FAIM: variants seen among roughly 807,000 people sequenced by gnomAD.
The protein encoded by FAIM is fas apoptotic inhibitory molecule 1.
A neutral mutation model predicts 21.2 loss-of-function variants in FAIM; 14 were observed. The ratio of observed to expected loss-of-function variants is 0.66; its 90% CI spans 0.44 to 1.03. The LOEUF (loss-of-function observed/expected upper bound fraction) is 1.03. FAIM is among the 50% of genes least tolerant of loss of function. FAIM has a pLI of 0.00. For missense variants in FAIM, 222 were observed against 247.1 expected, an observed-to-expected ratio of 0.90 and a Z score of 0.68; for synonymous variants, 86 against 80.4, an observed-to-expected ratio of 1.07 and a Z score of -0.37.
At position 138,621,407 on chromosome 3, in the gene FAIM, C is replaced by G. The variant is rs2042883217; in HGVS notation, c.45C>G (p.Ser15Arg). 6.2e-7 allele frequency: 1 copy of G among 1,613,480 alleles called. No homozygotes were observed. The highest frequency in any genetic ancestry group is 8.5e-7 in the Non-Finnish European group (1 of 1,179,780). The change falls in exon 3 of 6, where the codon AGC becomes AGG. Residue 15 changes from serine to arginine, a missense_variant and splice_region_variant. By Grantham distance (110) the Ser-to-Arg change is moderately radical (BLOSUM62 -1). Transcript: ENST00000360570. ...TAATTGCTTTATTTTATTCCTTTAG[C>G]CCTCCTTACAGCCTAGAAAAAATGA... ...DDSPIFEDDE[S>R]PPYSLEKMTD...
At chr3:138,617,517 C>G (rs1171913584) in intron 1 of FAIM, among the ~76,000 whole-genome samples, 5 of 146,306 alleles carry the variant, frequency 3.4e-5, no homozygotes, top group Non-Finnish European at 7.5e-5. Context: ...ATATGTATAT[C>G]TATATATATC....
At chr3:138,614,958 A>G (rs1021389795) in intron 1 of FAIM, among the ~76,000 whole-genome samples, 3 of 152,170 alleles carry the variant, frequency 2.0e-5, no homozygotes, top group South Asian at 2.1e-4. Flanking sequence ...AAACAAAAAC[A>G]TGTACAGATG....
intron 3 of FAIM, among the ~76,000 whole-genome samples, 183 bp from the exon 4 acceptor site, chr3:138,622,005 C>A (rs889586925): frequency 6.6e-6 from 1 of 152,064 alleles, no homozygotes; most frequent in African/African-American, 2.4e-5. Flanking sequence ...TGGTCTCAAA[C>A]TCCTGACCTC....
chr3:138,611,070 T>C, intron 1 of FAIM: 1 of 1,496,594 alleles, frequency 6.7e-7, no homozygotes, highest in Non-Finnish European at 9.3e-7. Flanking sequence ...GGTACATAAG[T>C]ACCCAATAAC....
At chr3:138,622,017 T>C (rs2042892577) in intron 3 of FAIM, among the ~76,000 whole-genome samples, 171 bp from the exon 4 acceptor site, 1 of 151,996 alleles carries the variant, frequency 6.6e-6, no homozygotes, top group Non-Finnish European at 1.5e-5. Flanking sequence ...CCTGACCTCA[T>C]GATCCGCCCG....
chr3:138,616,103 G>A (rs2042823190), intron 1 of FAIM, among the ~76,000 whole-genome samples: 1 of 152,168 alleles, frequency 6.6e-6, no homozygotes, highest in Non-Finnish European at 1.5e-5. Context: ...ATGGCACTTG[G>A]AGGGATATGT....
intron 1 of FAIM, among the ~76,000 whole-genome samples, chr3:138,617,915 T>C (rs1166570637): frequency 6.8e-6 from 1 of 146,916 alleles, no homozygotes; most frequent in African/African-American, 2.5e-5. Flanking sequence ...TATACTATAT[T>C]ATATATAGTA....
At chr3:138,617,815 T>A (rs2042843532) in intron 1 of FAIM, among the ~76,000 whole-genome samples, 1 of 146,508 alleles carries the variant, frequency 6.8e-6, no homozygotes, top group African/African-American at 2.5e-5. Context: ...TGGACATAGA[T>A]ACTATTTATA....
At position 138,629,129 on chromosome 3, in the gene FAIM, G is replaced by A; in HGVS notation, c.429G>A (p.Trp143Ter). Residue 143 changes from tryptophan to a stop codon, truncating the protein, a stop_gained, in exon 5 of 6, where the codon TGG becomes TGA. Transcript: ENST00000360570. LOFTEE classifies it high-confidence loss of function. Reference sequence around the variant, plus strand: ...CAGAAAAAGATGCTATGGACGTATGGTGCAATGGTAAAAAATTGGAGACAG... The same window carrying A: ...CAGAAAAAGATGCTATGGACGTATGATGCAATGGTAAAAAATTGGAGACAG... Reference protein sequence around the residue: ...IVLEKDAMDVWCNGKKLETAG... With the variant: ...IVLEKDAMDV 1.9e-6 allele frequency: 3 copies of A among 1,611,652 alleles called. No homozygotes were observed. Among genetic ancestry groups the A allele is most frequent in the Non-Finnish European group, 1.7e-6 (2 of 1,179,146 alleles).
intron 4 of FAIM, among the ~76,000 whole-genome samples, chr3:138,624,083 C>A (rs113662759): frequency 5.7e-4 from 86 of 152,206 alleles, no homozygotes; most frequent in African/African-American, 2.0e-3. Flanking sequence ...CCTTATATTT[C>A]CAAATTTCAT....
intron 5 of FAIM, among the ~76,000 whole-genome samples, chr3:138,631,692 C>T (rs564070368): frequency 1.3e-5 from 2 of 152,246 alleles, no homozygotes; most frequent in South Asian, 4.1e-4. Flanking sequence ...CTCAAAGCAT[C>T]GTGCCAAAAT....
chr3:138,619,081 A>G (rs1162063964), intron 1 of FAIM, among the ~76,000 whole-genome samples: 1 of 152,200 alleles, frequency 6.6e-6, no homozygotes, highest in East Asian at 1.9e-4. Flanking sequence ...GCACTAGTAA[A>G]TTAAATGGGC....
At chr3:138,614,852 G>A (rs2042809764) in intron 1 of FAIM, among the ~76,000 whole-genome samples, 1 of 151,970 alleles carries the variant, frequency 6.6e-6, no homozygotes, top group African/African-American at 2.4e-5. Flanking sequence ...AAGGTGGGAG[G>A]ATCCTTTGGG....
intron 2 of FAIM, among the ~76,000 whole-genome samples, chr3:138,620,395 TATTA>T (rs1203613497): frequency 6.6e-6 from 1 of 152,206 alleles, no homozygotes; most frequent in East Asian, 1.9e-4. Context: ...AATATCAAAA[TATTA>T]ATTAGATATT....
intron 4 of FAIM, among the ~76,000 whole-genome samples, chr3:138,628,056 C>T (rs1207910370): frequency 6.6e-6 from 1 of 152,126 alleles, no homozygotes; most frequent in East Asian, 1.9e-4. Context: ...CCTGAGGACA[C>T]TAACATTTGC....
chr3:138,611,173 A>G (rs2042764420), intron 1 of FAIM: 1 of 758,796 alleles, frequency 1.3e-6, no homozygotes, highest in Non-Finnish European at 2.2e-6. Flanking sequence ...TTCTGAGTGA[A>G]GTGGAAATTG....
intron 1 of FAIM, among the ~76,000 whole-genome samples, chr3:138,609,611 TCG>T (rs144058632): frequency 3.1e-5 from 2 of 64,872 alleles, no homozygotes; most frequent in Non-Finnish European, 5.3e-5. Flanking sequence ...TCTCTCTCTC[TCG>T]ACTCTCTCTC....
intron 4 of FAIM, among the ~76,000 whole-genome samples, chr3:138,626,106 C>A (rs998794368): frequency 2.6e-5 from 4 of 152,194 alleles, no homozygotes; most frequent in Admixed American, 6.5e-5. Flanking sequence ...TCAGGACTCA[C>A]CTGGGAAGTC....
chr3:138,621,602 T>A, intron 3 of FAIM, 63 bp downstream of exon 3: 3 of 1,484,470 alleles, frequency 2.0e-6, no homozygotes, highest in Non-Finnish European at 2.8e-6. Context: ...TTTGTTAAAG[T>A]AGCATCTTCA....
Sources: allele counts gnomAD v4.1 joint callset (sites outside exome capture counted in the v4.1 genomes callset), GRCh38; gene constraint gnomAD v4.1.1; transcripts MANE v1.5; gene names NCBI Gene and HGNC (gene_info 2026-07-23, HGNC 2026-07-21).